The following FIRRM variants were observed in gnomAD, a reference collection of about 807,000 sequenced individuals.
The protein encoded by FIRRM is FIGNL1-interacting regulator of recombination and mitosis.
the FIRRM span, among the ~76,000 whole-genome samples, chr1:169,846,836 T>C: frequency 6.6e-6 from 1 of 152,218 alleles, no homozygotes; most frequent in South Asian, 2.1e-4. Flanking sequence ...TTCAAGAACT[T>C]TTCCTTTGCA....
the FIRRM span, among the ~76,000 whole-genome samples, chr1:169,821,451 C>CT: frequency 3.3e-5 from 5 of 152,140 alleles, no homozygotes; most frequent in East Asian, 9.6e-4. Flanking sequence ...GATTTCTTTT[C>CT]TTTTCAGTAA....
chr1:169,812,571 G>A, the FIRRM span, among the ~76,000 whole-genome samples: 2 of 152,038 alleles, frequency 1.3e-5, no homozygotes, highest in Admixed American at 6.6e-5. Context: ...CAAAATAATC[G>A]AAAAGGCTGA....
At chr1:169,810,150 G>A in the FIRRM span, among the ~76,000 whole-genome samples, 1 of 152,094 alleles carries the variant, frequency 6.6e-6, no homozygotes, top group Non-Finnish European at 1.5e-5. Flanking sequence ...GAGCCCTCAT[G>A]ACTTAATCAC....
the FIRRM span, chr1:169,800,986 C>T: frequency 7.6e-7 from 1 of 1,313,652 alleles, no homozygotes; most frequent in Non-Finnish European, 1.1e-6. Context: ...AATACTATTA[C>T]CTGAAAATAC....
chr1:169,795,208 C>T, the FIRRM span: 2 of 1,535,988 alleles, frequency 1.3e-6, no homozygotes, highest in Non-Finnish European at 1.7e-6. Flanking sequence ...CCTGCCCCGA[C>T]TCCTCATATC....
chr1:169,793,335 A>T, the FIRRM span: 1 of 1,614,170 alleles, frequency 6.2e-7, no homozygotes, highest in Non-Finnish European at 8.5e-7. Context: ...AAACCTGGTA[A>T]TGTTTCTATG....
At chr1:169,844,631 A>G in the FIRRM span, among the ~76,000 whole-genome samples, 10 of 152,318 alleles carry the variant, frequency 6.6e-5, no homozygotes, top group East Asian at 1.5e-3. Flanking sequence ...TATGTCCTAT[A>G]CCATATGTAT....
chr1:169,796,629 G>C, the FIRRM span, among the ~76,000 whole-genome samples: 1 of 152,146 alleles, frequency 6.6e-6, no homozygotes, highest in African/African-American at 2.4e-5. Flanking sequence ...CTCACTTGGA[G>C]TATTAATAGT....
the FIRRM span, among the ~76,000 whole-genome samples, chr1:169,807,389 T>C: frequency 4.4e-4 from 67 of 152,348 alleles, no homozygotes; most frequent in African/African-American, 1.5e-3. Context: ...ATTAGGTCTC[T>C]CTATTGTAGC....
At chr1:169,795,055 T>G in the FIRRM span, 1 of 1,450,188 alleles carries the variant, frequency 6.9e-7, no homozygotes, top group Non-Finnish European at 9.4e-7. Context: ...GAGTTTCCGG[T>G]CTGGGCTTTG....
the FIRRM span, chr1:169,849,430 A>G: frequency 4.4e-6 from 5 of 1,139,850 alleles, no homozygotes. Flanking sequence ...GGCTTATTGA[A>G]TGTATGGCTA....
At chr1:169,840,631 C>T in the FIRRM span, among the ~76,000 whole-genome samples, 2 of 151,862 alleles carry the variant, frequency 1.3e-5, no homozygotes, top group Non-Finnish European at 2.9e-5. Flanking sequence ...CTGCCTCAGC[C>T]TCCCGAGTAG....
the FIRRM span, chr1:169,852,018 G>A: frequency 3.8e-6 from 6 of 1,588,252 alleles, no homozygotes; most frequent in South Asian, 5.6e-5. Flanking sequence ...AAACCAGTGT[G>A]GTTTCCAGCC....
the FIRRM span, chr1:169,802,498 A>G: frequency 1.7e-6 from 1 of 590,446 alleles, no homozygotes; most frequent in Non-Finnish European, 3.0e-6. Flanking sequence ...AAGCTAGATG[A>G]TAGCCTGTGG....
At chr1:169,836,901 CTTCT>C in the FIRRM span, 46 of 1,580,462 alleles carry the variant, frequency 2.9e-5, no homozygotes, top group East Asian at 4.7e-4. Flanking sequence ...TCATGTTACT[CTTCT>C]TTCTTTAACA....
At chr1:169,797,808 C>G in the FIRRM span, among the ~76,000 whole-genome samples, 3 of 152,186 alleles carry the variant, frequency 2.0e-5, no homozygotes, top group Non-Finnish European at 4.4e-5. Context: ...TCCCAAAGTG[C>G]TGGGACTACA....
the FIRRM span, chr1:169,804,015 T>G: frequency 6.9e-6 from 8 of 1,166,954 alleles, no homozygotes; most frequent in African/African-American, 1.2e-4. Flanking sequence ...TGAATTAAAG[T>G]AAATTTGGCT....
the FIRRM span, among the ~76,000 whole-genome samples, chr1:169,836,201 A>G: frequency 2.6e-5 from 4 of 152,198 alleles, no homozygotes; most frequent in African/African-American, 9.7e-5. Flanking sequence ...TATTTTAATC[A>G]TTAAATGCAG....
At chr1:169,822,347 C>G in the FIRRM span, among the ~76,000 whole-genome samples, 10 of 152,264 alleles carry the variant, frequency 6.6e-5, no homozygotes, top group East Asian at 1.3e-3. Flanking sequence ...CCTTATCTTT[C>G]GTCAAAAACA....
Sources: allele counts gnomAD v4.1 joint callset (sites outside exome capture counted in the v4.1 genomes callset), GRCh38; gene constraint gnomAD v4.1.1; transcripts MANE v1.5; gene names NCBI Gene and HGNC (gene_info 2026-07-23, HGNC 2026-07-21).